Variants in SZT2 observed in about 807,000 individuals in gnomAD.
The protein encoded by SZT2 is SZT2 subunit of KICSTOR complex, also known as KICSTOR complex protein SZT2.
SZT2 carries 216 observed loss-of-function variants against 404.2 expected under a neutral mutation model. The ratio of observed to expected loss-of-function variants is 0.53; its 90% CI spans 0.48 to 0.60. The LOEUF (loss-of-function observed/expected upper bound fraction) is 0.60, where lower values mean the gene tolerates loss of function less well. Among genes scored for constraint, SZT2 ranks in the 20% least tolerant of loss-of-function variants. SZT2 has a pLI of 0.00. For synonymous variants in SZT2, 1,693 were observed against 1,749.9 expected (o/e 0.97, Z 0.81); for missense variants, 3,857 against 4,459.2 (o/e 0.86, Z 3.85).
At position 43,419,803 on chromosome 1, in the gene SZT2, G is replaced by A. The variant is rs1373820508; in HGVS notation, c.949G>A (p.Ala317Thr). The A allele has an allele frequency of 6.3e-6, 10 of 1,598,406 alleles. No individual in the cohort carries two copies. The highest frequency in any genetic ancestry group is 2.2e-5 in the South Asian group (2 of 91,084). ...CAATGTGGAATTAATGAAGTTCATC[G>A]CAATGGCAACATTTGGGTCCTACCT... The part of the protein sequence containing the change: ...VPNVELMKFI[A>T]MATFGSYLST... Residue 317 changes from alanine to threonine, a missense_variant, in exon 8 of 72, where the codon GCA becomes ACA. By Grantham distance (58) the Ala-to-Thr change is moderately conservative. Around this residue, in one of 7 missense-constraint regions of SZT2, gnomAD observed 536 missense variants for 637.4 expected, o/e 0.84. Transcript: ENST00000634258.
intron 33 of SZT2, 64 bp from the exon 34 acceptor site, chr1:43,431,201 A>T (rs1474923248): frequency 6.4e-7 from 1 of 1,558,648 alleles, no homozygotes; most frequent in East Asian, 2.2e-5. Context: ...CCAAGAATGA[A>T]GTAAGGAGGA....
chr1:43,450,046 G>A lies in SZT2; in HGVS notation c.10087-57G>A, dbSNP rs974872044. The A allele has an allele frequency of 2.5e-6, 4 of 1,607,770 alleles. No individual in the cohort carries two copies. In the African/African-American group the frequency reaches 5.4e-5, roughly 22 times the overall value. Reference sequence around the variant, plus strand: ...CTCTCCTCATCCTCCCTTCACCTCAGGATGCCCTGTGGGAGGGTCTGTAGG... The same window carrying A: ...CTCTCCTCATCCTCCCTTCACCTCAAGATGCCCTGTGGGAGGGTCTGTAGG... On this transcript the variant is annotated intron_variant, in intron 70 of 71. Transcript: ENST00000634258. The surrounding 1 kb of genome is among the most constrained non-coding windows in gnomAD (Gnocchi z 4.3).
chr1:43,446,520 C>T lies in SZT2; in HGVS notation c.9072+104C>T. On this transcript the variant is annotated intron_variant, in intron 65 of 71. Coordinates refer to ENST00000634258, the MANE Select transcript of SZT2 (RefSeq NM_001365999.1). ...GCAGTAGAGTAATGCAGTAGGCGGG[C>T]TGGCCCAGTGATTGATTCACTGCTA... 3 of 1,409,382 alleles carry T rather than the reference C, an allele frequency of 2.1e-6. No homozygotes were observed. In the Admixed American group the frequency reaches 5.3e-5, roughly 25 times the overall value. 87.3% of individuals were successfully genotyped at this position (1,409,382 alleles called of 1,614,324 possible).
rs1428197738 is a variant in SZT2, at chr1:43,447,179, A to C, written c.9286+11A>C. 1 of 1,605,924 alleles carries C rather than the reference A, an allele frequency of 6.2e-7. No homozygotes were observed. The highest frequency in any genetic ancestry group is 2.3e-5 in the East Asian group (1 of 44,368). ...ATCACATTTACCAAGGTCAGTGCCC[A>C]AGGGCAAGCCAGTGAACCCAAAAAA... is the stretch of plus-strand genomic sequence containing the variant. On this transcript the variant is annotated intron_variant, in intron 66 of 71. Coordinates refer to ENST00000634258, the MANE Select transcript of SZT2 (RefSeq NM_001365999.1).
rs751306855 is a variant in SZT2, at chr1:43,437,640, G to T, written c.6336G>T (p.Ala2112=). 3 of 1,614,038 alleles carry T rather than the reference G, an allele frequency of 1.9e-6. No individual in the cohort carries two copies. The highest frequency in any genetic ancestry group is 2.5e-6 in the Non-Finnish European group (3 of 1,179,988). Residue 2112 remains alanine, a synonymous_variant, in exon 45 of 72, where the codon GCG becomes GCT. Transcript: ENST00000634258. This position sits in a 1 kb window ranked among gnomAD's most constrained non-coding sequence, Gnocchi z 5.3. ...GTGACCGGCCATGGAAAGGGGATGCGCTGCCCCCTTCCCTCGCTCTGTCCC... is the reference window on the plus strand; with the variant it reads ...GTGACCGGCCATGGAAAGGGGATGCTCTGCCCCCTTCCCTCGCTCTGTCCC... ...SCSDRPWKGD[A]LPPSLALSRS...
Position 43,453,141 on chromosome 1 carries a change from T to C in SZT2, c.*2661T>C, listed in dbSNP as rs1656623080. On this transcript the variant is annotated 3_prime_UTR_variant, in exon 72 of 72. Coordinates refer to ENST00000634258, the MANE Select transcript of SZT2 (RefSeq NM_001365999.1). Reference sequence around the variant, plus strand: ...ATCACTGTATATATTTACTCTCCTATCTGCCTAGGCAGACTGAGCTCCCAG... The same window carrying C: ...ATCACTGTATATATTTACTCTCCTACCTGCCTAGGCAGACTGAGCTCCCAG... The C allele has an allele frequency of 4.4e-6, 3 of 689,310 alleles. No homozygotes were observed. The Admixed American group carries it at 6.4e-5, about 15-fold the overall frequency. 42.7% of individuals were successfully genotyped at this position (689,310 alleles called of 1,614,324 possible).
At position 43,439,138 on chromosome 1, in the gene SZT2, C is replaced by T; in HGVS notation, c.6792+45C>T. 6.2e-7 allele frequency: 1 copy of T among 1,611,600 alleles called. No individual in the cohort carries two copies. Among genetic ancestry groups the T allele is most frequent in the Non-Finnish European group, 8.5e-7 (1 of 1,178,412 alleles). On this transcript the variant is annotated intron_variant, in intron 48 of 71. Transcript: ENST00000634258. The surrounding 1 kb of genome is among the most constrained non-coding windows in gnomAD (Gnocchi z 4.2). The stretch of plus-strand genomic sequence containing the variant: ...TCTCCACACTCATGTGCACCCCTGC[C>T]CCCTGCCCCACGCACTTACTCTTTC...
chr1:43,403,177 G>A lies in SZT2; in HGVS notation c.28G>A (p.Val10Met), dbSNP rs1449881766. 4 of 1,614,066 alleles carry A rather than the reference G, an allele frequency of 2.5e-6. No individual in the cohort carries two copies. The highest frequency in any genetic ancestry group is 3.4e-6 in the Non-Finnish European group (4 of 1,179,988). The stretch of plus-strand genomic sequence containing the variant: ...TGTATTAATGTCTCTTTGTTCCCAG[G>A]TGGAAGAAGCTGGGCAGGTGTTCCT... The part of the protein sequence containing the change: MASERPEPE[V>M]EEAGQVFLLM... The change falls in exon 2 of 72, where the codon GTG (valine) becomes ATG (methionine). Residue 10 changes from valine (V) to methionine (M), a missense_variant and splice_region_variant. Transcript: ENST00000634258.
rs763060655 is a variant in SZT2 at position 43,448,705 on chromosome 1, C to G, written c.10063C>G (p.Pro3355Ala). ...CCAGAGCTGTCGCCATTTCCAAAGCCCAGACTTGGGAACTCAGTACCTGGT... is the reference window on the plus strand; with the variant it reads ...CCAGAGCTGTCGCCATTTCCAAAGCGCAGACTTGGGAACTCAGTACCTGGT... Reference protein sequence around the residue: ...FPQSCRHFQSPDLGTQYLVVL... With the variant: ...FPQSCRHFQSADLGTQYLVVL... Residue 3355 changes from proline (P) to alanine (A), a missense_variant, in exon 70 of 72, where the codon CCA becomes GCA. By Grantham distance (27) the Pro-to-Ala change is conservative. Transcript: ENST00000634258. The surrounding 1 kb of genome is among the most constrained non-coding windows in gnomAD (Gnocchi z 4.2). The G allele has an allele frequency of 1.2e-6, 2 of 1,614,064 alleles. No homozygotes were observed. Among genetic ancestry groups the G allele is most frequent in the Non-Finnish European group, 1.7e-6 (2 of 1,180,040 alleles).
rs879576906 is a variant in SZT2, at chr1:43,424,284, C to T, written c.2323C>T (p.Pro775Ser). The T allele has an allele frequency of 1.3e-6, 2 of 1,598,024 alleles. No homozygotes were observed. Among genetic ancestry groups the T allele is most frequent in the South Asian group, 2.2e-5 (2 of 91,088 alleles). Residue 775 changes from proline to serine, a missense_variant, in exon 16 of 72, where the codon CCC (proline) becomes TCC (serine). Transcript: ENST00000634258. This position sits in a 1 kb window ranked among gnomAD's most constrained non-coding sequence, Gnocchi z 4.1. The part of the protein sequence containing the change: ...LLTLEPPGPL[P>S]LVSGRSASSS... ...GACATTGGAGCCACCAGGTCCACTG[C>T]CCTTGGTGTCAGGCCGCTCAGCCTC...
intron 1 of SZT2, among the ~76,000 whole-genome samples, chr1:43,391,752 C>T (rs181151340): frequency 6.6e-6 from 1 of 152,176 alleles, no homozygotes; most frequent in East Asian, 1.9e-4. Context: ...AAGCAAGCCA[C>T]ATGTGTAATA....
chr1:43,445,902 G>T lies in SZT2; in HGVS notation c.8834G>T (p.Arg2945Leu), dbSNP rs767832774. ...CTCCTCCTTTTCTATAGCACCAGCCGGCCACGGGCCATGGCTATCCTTGGA... is the reference window on the plus strand; with the variant it reads ...CTCCTCCTTTTCTATAGCACCAGCCTGCCACGGGCCATGGCTATCCTTGGA... Reference protein sequence around the residue: ...RPPSPARSTSRPRAMAILGTE... With the variant: ...RPPSPARSTSLPRAMAILGTE... The change falls in exon 63 of 72, where the codon CGG becomes CTG. Residue 2945 changes from arginine (R) to leucine (L), a missense_variant. Arg to Leu is a moderately radical substitution (Grantham distance 102). This residue lies in a region of SZT2 where 717 missense variants were observed against 868.2 expected (regional missense o/e 0.83). Coordinates refer to ENST00000634258, the MANE Select transcript of SZT2 (RefSeq NM_001365999.1). The T allele has an allele frequency of 6.2e-7, 1 of 1,614,172 alleles. No individual in the cohort carries two copies. Among genetic ancestry groups the T allele is most frequent in the Non-Finnish European group, 8.5e-7 (1 of 1,180,034 alleles).
In SZT2 at chr1:43,389,976, C is replaced by T. The variant is rs1648069463; in HGVS notation, c.8C>T (p.Ser3Leu). The change falls in exon 1 of 72, where the codon TCG (serine) becomes TTG (leucine). Residue 3 changes from serine to leucine, a missense_variant. Ser to Leu is a moderately radical substitution (Grantham distance 145). Transcript: ENST00000634258. ...GCGCGGGAGGGCTGTGTGATGGCCT[C>T]GGAGCGCCCGGAGCCGGAGGTGAGG... MA[S>L]ERPEPEVEEA... The T allele has an allele frequency of 7.2e-7, 1 of 1,396,708 alleles. No homozygotes were observed. Among genetic ancestry groups the T allele is most frequent in the South Asian group, 1.5e-5 (1 of 65,696 alleles). 86.5% of individuals were successfully genotyped at this position (1,396,708 alleles called of 1,614,324 possible). A position where few individuals can be genotyped will look rare whatever the true frequency, so the allele number is the denominator to read the frequency against.
At chr1:43,414,164 C>G (rs1488541973) in intron 4 of SZT2, among the ~76,000 whole-genome samples, 1 of 152,024 alleles carries the variant, frequency 6.6e-6, no homozygotes, top group African/African-American at 2.4e-5. Context: ...TGCCTGTAAT[C>G]CCAGCTGAGG....
intron 7 of SZT2, among the ~76,000 whole-genome samples, chr1:43,417,069 G>T (rs182191067): frequency 1.6e-4 from 24 of 152,330 alleles, no homozygotes; most frequent in African/African-American, 5.8e-4. Flanking sequence ...GGCTGAAGGG[G>T]TAGGCACAGG....
At position 43,453,862 on chromosome 1, in the gene SZT2, G is replaced by GGCGGCGGGCGGCA; in HGVS notation, c.*3383_*3384insCGGCGGGCGGCAG. ...CGGCGGGCGGCGGGCGGCGGGCGGC[G>GGCGGCGGGCGGCA]GGCGGGGGCGGGGCTCTCCTTGCTG... is the stretch of plus-strand genomic sequence containing the variant. On this transcript the variant is annotated 3_prime_UTR_variant, in exon 72 of 72. Transcript: ENST00000634258. The GGCGGCGGGCGGCA allele has an allele frequency of 8.2e-7, 1 of 1,226,114 alleles. No homozygotes were observed. The highest frequency in any genetic ancestry group is 4.4e-5 in the Admixed American group (1 of 22,752). 76.0% of individuals were successfully genotyped at this position (1,226,114 alleles called of 1,614,324 possible). A position where few individuals can be genotyped will look rare whatever the true frequency, so the allele number is the denominator to read the frequency against.
Position 43,427,421 on chromosome 1 carries a change from G to A in SZT2, c.3574G>A (p.Val1192Ile), listed in dbSNP as rs773591081. 6.2e-7 allele frequency: 1 copy of A among 1,613,324 alleles called. No individual in the cohort carries two copies. Among genetic ancestry groups the A allele is most frequent in the Non-Finnish European group, 8.5e-7 (1 of 1,179,496 alleles). The change falls in exon 25 of 72, where the codon GTC becomes ATC. Residue 1192 changes from valine to isoleucine, a missense_variant. Transcript: ENST00000634258. ...CAAAGCTACAAAGTCCCACGTCCCT[G>A]TCCTCAGTGTGACCCTGGCTAGTGG... ...GIKATKSHVPVLSVTLASDNA... is the reference protein window; with the variant it reads ...GIKATKSHVPILSVTLASDNA...
chr1:43,448,427 G>A lies in SZT2; in HGVS notation c.9912G>A (p.Leu3304=). The A allele has an allele frequency of 6.2e-7, 1 of 1,600,666 alleles. No individual in the cohort carries two copies. The highest frequency in any genetic ancestry group is 8.5e-7 in the Non-Finnish European group (1 of 1,174,012). ...GGGGGCGCCTGGCCCTGGCAGAGCT[G>A]GAGGAACTCCTAGAAGCAGTCCATG... ...RLGGRLALAE[L]EELLEAVHAK... is the part of the protein sequence containing the mutation. Residue 3304 remains leucine (L), a synonymous_variant, in exon 69 of 72, where the codon CTG becomes CTA. Coordinates refer to ENST00000634258, the MANE Select transcript of SZT2 (RefSeq NM_001365999.1). The surrounding 1 kb of genome is among the most constrained non-coding windows in gnomAD (Gnocchi z 4.2).
chr1:43,402,749 T>A (rs1251636965), intron 1 of SZT2, among the ~76,000 whole-genome samples: 1 of 152,214 alleles, frequency 6.6e-6, no homozygotes, highest in African/African-American at 2.4e-5. Context: ...ATTTCTTCGG[T>A]GCCTGCTGTT....
Sources: allele counts gnomAD v4.1 joint callset (sites outside exome capture counted in the v4.1 genomes callset), GRCh38; gene constraint gnomAD v4.1.1; regional missense constraint gnomAD v4.1.1; non-coding constraint Gnocchi (gnomAD v3.1); transcripts MANE v1.5; gene names NCBI Gene and HGNC (gene_info 2026-07-23, HGNC 2026-07-21).